The following CPA6 variants were observed in gnomAD, a reference collection of about 807,000 sequenced individuals.
CPA6 encodes the protein carboxypeptidase B.
A neutral mutation model predicts 63.3 loss-of-function variants in CPA6; 58 were observed. The ratio of observed to expected loss-of-function variants is 0.92; its 90% CI spans 0.74 to 1.14. The LOEUF is 1.14. Among genes scored for constraint, CPA6 ranks in the 50% most tolerant of loss-of-function variants. The pLI is 0.00. For missense variants in CPA6, 565 were observed against 526.6 expected (o/e 1.07, Z -0.71); for synonymous variants, 185 against 179.0 (o/e 1.03, Z -0.27).
chr8:67,707,633 G>A (rs1254777469), intron 1 of CPA6, among the ~76,000 whole-genome samples: 1 of 152,208 alleles, frequency 6.6e-6, no homozygotes, highest in African/African-American at 2.4e-5. Context: ...TTAAGGCTGG[G>A]TGTGGTGGCT....
At chr8:67,506,452 T>C (rs1371940830) in intron 6 of CPA6, among the ~76,000 whole-genome samples, 1 of 152,188 alleles carries the variant, frequency 6.6e-6, no homozygotes, top group African/African-American at 2.4e-5. Context: ...TGTAAGAAAT[T>C]ATTTTGGAAC....
At chr8:67,670,992 C>T (rs528591020) in intron 1 of CPA6, among the ~76,000 whole-genome samples, 30 of 152,260 alleles carry the variant, frequency 2.0e-4, no homozygotes, top group African/African-American at 7.2e-4. Context: ...TATGTTCTAC[C>T]ATCTTTGTCC....
At chr8:67,635,592 A>G (rs998192378) in intron 1 of CPA6, among the ~76,000 whole-genome samples, 1 of 151,448 alleles carries the variant, frequency 6.6e-6, no homozygotes, top group South Asian at 2.1e-4. Flanking sequence ...ACATGGTGAA[A>G]CCCCGTCTCT....
chr8:67,659,355 A>G (rs1816057706), intron 1 of CPA6, among the ~76,000 whole-genome samples: 1 of 152,248 alleles, frequency 6.6e-6, no homozygotes, highest in Admixed American at 6.5e-5. Context: ...ATTAAGAGAC[A>G]AGGCAATGCT....
At chr8:67,650,357 A>G (rs1437010801) in intron 1 of CPA6, among the ~76,000 whole-genome samples, 1 of 152,006 alleles carries the variant, frequency 6.6e-6, no homozygotes, top group Non-Finnish European at 1.5e-5. Flanking sequence ...TTCGATCAGG[A>G]CTCTAGCTCA....
At chr8:67,664,525 C>T (rs952093115) in intron 1 of CPA6, among the ~76,000 whole-genome samples, 5 of 152,180 alleles carry the variant, frequency 3.3e-5, no homozygotes. Flanking sequence ...TGCCTTCTCC[C>T]ACACCTGGCT....
intron 2 of CPA6, among the ~76,000 whole-genome samples, chr8:67,595,906 G>C (rs1476849138): frequency 6.6e-6 from 1 of 152,174 alleles, no homozygotes; most frequent in Non-Finnish European, 1.5e-5. Flanking sequence ...TGCGCCCACT[G>C]TCTGGCACTC....
In CPA6 at chr8:67,694,350, C is replaced by T. The variant is rs1448447107; in HGVS notation, c.116+51664G>A. Among the ~76,000 whole-genome samples, 4 of 152,238 alleles carry T rather than the reference C, an allele frequency of 2.6e-5. No individual in the cohort carries two copies. In the East Asian group the frequency reaches 5.8e-4, roughly 22 times the overall value. ...CCATTTTCTGCAGATAACTACTTTC[C>T]TTCTGAGAGACAGCTCTTGGCCTGC... On this transcript the variant is annotated intron_variant, in intron 1 of 10. Coordinates refer to ENST00000297770, the MANE Select transcript of CPA6 (RefSeq NM_020361.5).
In CPA6 at chr8:67,484,620, ACT is replaced by A; in HGVS notation, c.747+57_747+58del. On this transcript the variant is annotated intron_variant, in intron 7 of 10. Transcript: ENST00000297770. ...TTCTTTCCTGTCCTGGAAGTTTGTGACTCTGTTTTCTATGATTTATTTAGTCC... is the reference window on the plus strand; with the variant it reads ...TTCTTTCCTGTCCTGGAAGTTTGTGACTGTTTTCTATGATTTATTTAGTCC... 2.3e-6 allele frequency: 2 copies of A among 885,834 alleles called. 1 individual carries two copies. Among genetic ancestry groups the A allele is most frequent in the Admixed American group, 4.2e-5 (2 of 47,944 alleles). The allele number at this position is 885,834 out of a possible 1,614,324, so 54.9% of individuals were successfully genotyped here.
At chr8:67,561,342 C>A (rs975333364) in intron 2 of CPA6, among the ~76,000 whole-genome samples, 1 of 152,172 alleles carries the variant, frequency 6.6e-6, no homozygotes, top group Non-Finnish European at 1.5e-5. Flanking sequence ...TTGGCAGACA[C>A]CTTTTCAATC....
chr8:67,550,724 T>C (rs1039048884), intron 2 of CPA6, among the ~76,000 whole-genome samples: 3 of 152,164 alleles, frequency 2.0e-5, no homozygotes, highest in African/African-American at 7.2e-5. Context: ...TTTTTAATAG[T>C]AGCCATCCTG....
chr8:67,476,225 A>G (rs894084820), intron 8 of CPA6, among the ~76,000 whole-genome samples: 31 of 151,594 alleles, frequency 2.0e-4, no homozygotes, highest in African/African-American at 7.0e-4. Context: ...CTGGTCTCAA[A>G]CTCCTGGCCT....
At chr8:67,546,586 A>C (rs1812822815) in intron 2 of CPA6, among the ~76,000 whole-genome samples, 1 of 152,228 alleles carries the variant, frequency 6.6e-6, no homozygotes, top group Non-Finnish European at 1.5e-5. Flanking sequence ...CTTAAGGTAC[A>C]TCAGGATTAG....
chr8:67,600,216 A>G (rs1276279747), intron 2 of CPA6, among the ~76,000 whole-genome samples: 6 of 152,082 alleles, frequency 3.9e-5, no homozygotes, highest in Non-Finnish European at 2.9e-5. Flanking sequence ...AGCATCAGGA[A>G]TCATTTTCCT....
At position 67,624,048 on chromosome 8, in the gene CPA6, C is replaced by T. The variant is rs1240882868; in HGVS notation, c.192+128G>A. ...AATAAAATAAAATAAAATAAAAGCTCTTTCAAGTTATCTCCTTAGCCTTTA... is the reference window on the plus strand; with the variant it reads ...AATAAAATAAAATAAAATAAAAGCTTTTTCAAGTTATCTCCTTAGCCTTTA... On this transcript the variant is annotated intron_variant, in intron 2 of 10. Transcript: ENST00000297770. 5.5e-6 allele frequency: 3 copies of T among 546,492 alleles called. No individual in the cohort carries two copies. The South Asian group carries it at 8.3e-5, about 15-fold the overall frequency. The allele number at this position is 546,492 out of a possible 1,614,324, so 33.9% of individuals were successfully genotyped here.
intron 1 of CPA6, among the ~76,000 whole-genome samples, chr8:67,657,493 T>C (rs1311026164): frequency 6.6e-6 from 1 of 152,200 alleles, no homozygotes; most frequent in Non-Finnish European, 1.5e-5. Context: ...GAAGAGGTTT[T>C]ATAAGTCAAT....
chr8:67,436,592 C>T (rs1810161863), intron 8 of CPA6, among the ~76,000 whole-genome samples: 3 of 151,918 alleles, frequency 2.0e-5, no homozygotes, highest in Non-Finnish European at 2.9e-5. Context: ...TGTGTAAAAC[C>T]AGGAGGCTTT....
chr8:67,505,813 T>C (rs185863892), intron 6 of CPA6, among the ~76,000 whole-genome samples: 60 of 152,306 alleles, frequency 3.9e-4, no homozygotes, highest in Middle Eastern at 6.8e-3. Context: ...AGGAGAGTTT[T>C]CAAAGTTACA....
intron 8 of CPA6, among the ~76,000 whole-genome samples, chr8:67,481,140 CT>C (rs1438395872): frequency 6.6e-6 from 1 of 152,198 alleles, no homozygotes; most frequent in East Asian, 1.9e-4. Context: ...TTAGGCAACA[CT>C]TGAATTATTC....
Sources: gnomAD v4.1 joint callset for allele counts (sites outside exome capture counted in the v4.1 genomes callset) on GRCh38, gnomAD v4.1.1 for gene constraint, MANE v1.5 for transcripts, NCBI Gene and HGNC (gene_info 2026-07-23, HGNC 2026-07-21) for gene names.